SAMD12: variants seen among roughly 807,000 people sequenced by gnomAD.
The protein encoded by SAMD12 is sterile alpha motif domain containing 12, also known as sterile alpha motif domain-containing protein 12.
A neutral mutation model predicts 15.0 loss-of-function variants in SAMD12; 9 were observed. The ratio of observed to expected loss-of-function variants is 0.60; its 90% CI spans 0.36 to 1.05. The LOEUF is 1.05. Among genes scored for constraint, SAMD12 ranks in the 50% least tolerant of loss-of-function variants. The probability of loss-of-function intolerance (pLI) is 0.01; values close to 1 mark genes in which losing one functional copy is unlikely to be tolerated. For synonymous variants in SAMD12, 86 were observed against 90.1 expected, an observed-to-expected ratio of 0.96 and a Z score of 0.25; for missense variants, 230 against 234.2, an observed-to-expected ratio of 0.98 and a Z score of 0.12.
intron 2 of SAMD12, among the ~76,000 whole-genome samples, chr8:118,560,122 GA>G (rs1178685065): frequency 2.6e-5 from 4 of 152,264 alleles, no homozygotes; most frequent in Non-Finnish European, 5.9e-5. Context: ...GGAGTCACAT[GA>G]TATTTTGGCA....
rs187536517 is a variant in SAMD12, at chr8:118,449,742, A to G, written c.193-9781T>C. 1.6e-3 allele frequency among the ~76,000 whole-genome samples: 225 copies of G among 140,618 alleles called. 2 individuals are homozygous for G. The highest frequency in any genetic ancestry group is 3.6e-3 in the Middle Eastern group (1 of 278). 92.3% of individuals were successfully genotyped at this position (140,618 alleles called of 152,430 possible). On this transcript the variant is annotated intron_variant, in intron 2 of 3. Transcript: ENST00000314727. ...CGTGAACCCGGGAGGCAGAGCTTGC[A>G]GTGAGCAGAGATGGTGCCACTGCAC... is the stretch of plus-strand genomic sequence containing the variant.
chr8:118,530,783 T>C (rs1825663435), intron 2 of SAMD12, among the ~76,000 whole-genome samples: 1 of 152,198 alleles, frequency 6.6e-6, no homozygotes, highest in East Asian at 1.9e-4. Context: ...CCCAGGCCAA[T>C]ATCTAGATGA....
intron 4 of SAMD12, among the ~76,000 whole-genome samples, chr8:118,340,701 G>A (rs1429847001): frequency 6.6e-6 from 1 of 152,122 alleles, no homozygotes; most frequent in African/African-American, 2.4e-5. Flanking sequence ...CCCGGGAGGT[G>A]GAGGTTGCAG....
At chr8:118,554,436 A>G (rs1344485252) in intron 2 of SAMD12, among the ~76,000 whole-genome samples, 1 of 151,646 alleles carries the variant, frequency 6.6e-6, no homozygotes, top group Admixed American at 6.6e-5. Context: ...CGCAAGAACA[A>G]AAAACCAAAC....
At chr8:118,134,853 T>C in the SAMD12 span, among the ~76,000 whole-genome samples, 1 of 152,186 alleles carries the variant, frequency 6.6e-6, no homozygotes, top group Non-Finnish European at 1.5e-5. Context: ...CCCTCACTCA[T>C]TGTCACTCTC....
chr8:118,338,125 A>G (rs994547286), intron 4 of SAMD12, among the ~76,000 whole-genome samples: 1 of 152,214 alleles, frequency 6.6e-6, no homozygotes, highest in African/African-American at 2.4e-5. Context: ...ATGTACTGAA[A>G]TCATCAGGAT....
chr8:118,546,539 T>A (rs922983190), intron 2 of SAMD12, among the ~76,000 whole-genome samples: 9 of 152,096 alleles, frequency 5.9e-5, no homozygotes, highest in Admixed American at 5.9e-4. Flanking sequence ...GAGCAATAAA[T>A]TAGCCCTATA....
At chr8:118,542,885 T>C (rs1304499315) in intron 2 of SAMD12, among the ~76,000 whole-genome samples, 1 of 152,152 alleles carries the variant, frequency 6.6e-6, no homozygotes, top group African/African-American at 2.4e-5. Context: ...ACATGCAAGG[T>C]TGTCCCTAGC....
intron 2 of SAMD12, among the ~76,000 whole-genome samples, chr8:118,495,548 T>C (rs985289036): frequency 8.1e-6 from 1 of 123,922 alleles, no homozygotes; most frequent in East Asian, 3.2e-4. Flanking sequence ...ACTTAATTCA[T>C]GTAGGCTTTT....
chr8:118,459,819 A>T (rs767340816), intron 2 of SAMD12, among the ~76,000 whole-genome samples: 7 of 152,222 alleles, frequency 4.6e-5, no homozygotes, highest in Non-Finnish European at 5.9e-5. Context: ...CACTACATGC[A>T]AGGCACTTTG....
At chr8:118,162,904 TG>T in the SAMD12 span, among the ~76,000 whole-genome samples, 1 of 152,002 alleles carries the variant, frequency 6.6e-6, no homozygotes. Flanking sequence ...AAATGAAGAC[TG>T]GGCAAAAAAG....
intron 4 of SAMD12, among the ~76,000 whole-genome samples, chr8:118,335,164 G>A (rs973378524): frequency 6.6e-6 from 1 of 152,126 alleles, no homozygotes; most frequent in Non-Finnish European, 1.5e-5. Flanking sequence ...ACTAAAGGAG[G>A]AACTTCCTGC....
exon 5 of SAMD12, chr8:118,194,471 G>C (rs949049634): frequency 6.6e-6 from 1 of 152,134 alleles, no homozygotes; most frequent in Non-Finnish European, 1.5e-5. Flanking sequence ...TGCATATTCA[G>C]TTCTGGAGTG....
At position 118,392,560 on chromosome 8, in the gene SAMD12, T is replaced by C. The variant is rs542422204; in HGVS notation, c.323-12860A>G. ...TGTGTAGCTCACTCCAAAACTATGA[T>C]GGGAGCACCCGAAAGGGTGGGATCC... On this transcript the variant is annotated intron_variant, in intron 3 of 3. Transcript: ENST00000314727. 7.3e-4 allele frequency among the ~76,000 whole-genome samples: 111 copies of C among 152,330 alleles called. 1 individual carries two copies. Among genetic ancestry groups the C allele is most frequent in the African/African-American group, 2.6e-3 (108 of 41,584 alleles).
At chr8:118,513,096 T>C (rs2131071068) in intron 2 of SAMD12, among the ~76,000 whole-genome samples, 1 of 152,310 alleles carries the variant, frequency 6.6e-6, no homozygotes, top group African/African-American at 2.4e-5. Context: ...TCTTTATTTT[T>C]CTCACAGCCT....
At chr8:118,596,263 T>A (rs1406844609) in intron 1 of SAMD12, among the ~76,000 whole-genome samples, 1 of 152,204 alleles carries the variant, frequency 6.6e-6, no homozygotes, top group Non-Finnish European at 1.5e-5. Flanking sequence ...CCAATACACC[T>A]GCCAGGAATA....
intron 4 of SAMD12, among the ~76,000 whole-genome samples, chr8:118,325,023 A>T (rs1816500504): frequency 6.6e-6 from 1 of 152,310 alleles, no homozygotes; most frequent in East Asian, 1.9e-4. Flanking sequence ...AAGGAAGAGC[A>T]AACATGACTG....
chr8:118,521,064 T>C (rs1403024100), intron 2 of SAMD12, among the ~76,000 whole-genome samples: 3 of 152,226 alleles, frequency 2.0e-5, no homozygotes, highest in Non-Finnish European at 4.4e-5. Context: ...CTTCATGCCA[T>C]CTAGTCCATG....
At chr8:118,556,736 G>A (rs1371513235) in intron 2 of SAMD12, among the ~76,000 whole-genome samples, 3 of 151,904 alleles carry the variant, frequency 2.0e-5, no homozygotes, top group Admixed American at 6.6e-5. Context: ...AGGCCGAGGC[G>A]GGCGAATCAC....
Sources: gnomAD v4.1 joint callset for allele counts (sites outside exome capture counted in the v4.1 genomes callset) on GRCh38, gnomAD v4.1.1 for gene constraint, MANE v1.5 for transcripts, NCBI Gene and HGNC (gene_info 2026-07-23, HGNC 2026-07-21) for gene names.